The following STAU1 variants were observed in gnomAD, a reference collection of about 807,000 sequenced individuals.
STAU1 encodes the protein double-stranded RNA-binding protein Staufen homolog 1.
In STAU1, 13 loss-of-function variants were observed where a neutral mutation model predicts 62.9. That is an observed-to-expected ratio of 0.21 (90% CI 0.13 to 0.33). STAU1 has a LOEUF of 0.33. Ranked by LOEUF, STAU1 falls within the 10% of genes least tolerant of loss-of-function variation. The pLI, the probability that STAU1 is intolerant of heterozygous loss-of-function variation, is 1.00. For synonymous variants in STAU1, 269 were observed against 265.1 expected (o/e 1.01, Z -0.14); for missense variants, 571 against 712.1 (o/e 0.80, Z 2.25).
the STAU1 span, among the ~76,000 whole-genome samples, chr20:49,203,886 C>T: frequency 6.6e-6 from 1 of 152,152 alleles, no homozygotes; most frequent in Non-Finnish European, 1.5e-5. Flanking sequence ...GGGGTTTCAT[C>T]ATGTTGGCCA....
intron 1 of STAU1, among the ~76,000 whole-genome samples, chr20:49,187,321 T>A (rs2093800126): frequency 6.6e-6 from 1 of 152,172 alleles, no homozygotes; most frequent in African/African-American, 2.4e-5. Context: ...GTTTACAGAC[T>A]GTCAACTACA....
the STAU1 span, among the ~76,000 whole-genome samples, chr20:49,196,509 A>G: frequency 7.2e-6 from 1 of 139,218 alleles, no homozygotes; most frequent in South Asian, 2.4e-4. Flanking sequence ...ACATGAGGCC[A>G]GGTGTGGCAG....
chr20:49,216,474 G>A, the STAU1 span, among the ~76,000 whole-genome samples: 2 of 152,040 alleles, frequency 1.3e-5, no homozygotes, highest in Admixed American at 1.3e-4. Context: ...GTTGCAGTGA[G>A]CCGAGATCAT....
rs2092352714 is a variant in STAU1 at position 49,117,335 on chromosome 20, G to T, written c.1510-87C>A. ...CTGCAGCTCCAGGCCCCACAAGCAAGATCACCAGCTCTTTTTTCCAACTCA... is the reference window on the plus strand; with the variant it reads ...CTGCAGCTCCAGGCCCCACAAGCAATATCACCAGCTCTTTTTTCCAACTCA... On this transcript the variant is annotated intron_variant, in intron 11 of 13. Coordinates refer to ENST00000371856, the MANE Select transcript of STAU1 (RefSeq NM_017453.4). This position sits in a 1 kb window ranked among gnomAD's most constrained non-coding sequence, Gnocchi z 4.6. 1 of 1,511,090 alleles carries T rather than the reference G, an allele frequency of 6.6e-7. No homozygotes were observed. The highest frequency in any genetic ancestry group is 9.0e-7 in the Non-Finnish European group (1 of 1,106,918). The allele number at this position is 1,511,090 out of a possible 1,614,324, so 93.6% of individuals were successfully genotyped here.
At chr20:49,129,122 C>CAA (rs2092695869) in intron 6 of STAU1, among the ~76,000 whole-genome samples, 1 of 151,172 alleles carries the variant, frequency 6.6e-6, no homozygotes, top group South Asian at 2.1e-4. Context: ...AAAAGACACT[C>CAA]AAAAAAACTG....
intron 3 of STAU1, among the ~76,000 whole-genome samples, chr20:49,163,461 T>C (rs1253968970): frequency 1.4e-5 from 2 of 141,656 alleles, no homozygotes; most frequent in African/African-American, 2.6e-5. Context: ...AATCTCGCTC[T>C]GTTGCCCAGA....
chr20:49,162,567 G>A (rs1313112784), intron 3 of STAU1, among the ~76,000 whole-genome samples: 1 of 151,990 alleles, frequency 6.6e-6, no homozygotes, highest in African/African-American at 2.4e-5. Context: ...GAGGTCAGAA[G>A]ATCAAAACCA....
In STAU1 at chr20:49,119,998, A is replaced by G; in HGVS notation, c.1097T>C (p.Leu366Pro). The G allele has an allele frequency of 6.2e-7, 1 of 1,614,058 alleles. No homozygotes were observed. The highest frequency in any genetic ancestry group is 1.1e-5 in the South Asian group (1 of 91,068). Reference sequence around the variant, plus strand: ...AGCACTCACCTTCTCCTCTGACTTGAGTGCGGGTTTGGTGGGCTGCGCCTG... The same window carrying G: ...AGCACTCACCTTCTCCTCTGACTTGGGTGCGGGTTTGGTGGGCTGCGCCTG... ...VPQAQPTKPA[L>P]KSEEKTPIKK... is the part of the protein sequence containing the mutation. Residue 366 changes from leucine (L) to proline (P), a missense_variant, in exon 9 of 14, where the codon CTC (leucine) becomes CCC (proline). Physicochemically the swap from Leu to Pro is moderately conservative, Grantham distance 98 (BLOSUM62 -3). Coordinates refer to ENST00000371856, the MANE Select transcript of STAU1 (RefSeq NM_017453.4).
rs774254359 is a variant in STAU1, at chr20:49,135,847, G to T, written c.595C>A (p.Pro199Thr). 9 of 1,613,072 alleles carry T rather than the reference G, an allele frequency of 5.6e-6. No individual in the cohort carries two copies. In the African/African-American group the frequency reaches 1.1e-4, roughly 19 times the overall value. Residue 199 changes from proline to threonine, a missense_variant, in exon 6 of 14, where the codon CCT (proline) becomes ACT (threonine). Physicochemically the swap from Pro to Thr is conservative, Grantham distance 38. Transcript: ENST00000371856. ...VFEIALKRNLPVNFEVARESG... is the reference protein window; with the variant it reads ...VFEIALKRNLTVNFEVARESG... Reference sequence around the variant, plus strand: ...AATTAGCTTACCTCGAAATTCACAGGCAAGTTCCGTTTAAGTGCAATCTCA... The same window carrying T: ...AATTAGCTTACCTCGAAATTCACAGTCAAGTTCCGTTTAAGTGCAATCTCA...
the STAU1 span, among the ~76,000 whole-genome samples, chr20:49,211,843 G>C: frequency 6.6e-6 from 1 of 151,972 alleles, no homozygotes; most frequent in East Asian, 1.9e-4. Context: ...ACTATGGCAT[G>C]TGCCAGAGTA....
Position 49,166,148 on chromosome 20 carries a change from G to A in STAU1, c.54C>T (p.Ser18=). 6.2e-7 allele frequency: 1 copy of A among 1,614,148 alleles called. No individual in the cohort carries two copies. The highest frequency in any genetic ancestry group is 1.1e-5 in the South Asian group (1 of 91,076). The change falls in exon 3 of 14, where the codon AGC becomes AGT. Residue 18 remains serine, a synonymous_variant. Transcript: ENST00000371856. The part of the protein sequence containing the change: ...VQNPSAALSG[S]QILNKNQSLL... Reference sequence around the variant, plus strand: ...GAGACTGGTTCTTGTTCAGTATTTGGCTCCCTGAGAGAGCAGCAGATGGGT... The same window carrying A: ...GAGACTGGTTCTTGTTCAGTATTTGACTCCCTGAGAGAGCAGCAGATGGGT...
At chr20:49,154,936 A>C (rs2093333268) in intron 3 of STAU1, among the ~76,000 whole-genome samples, 2 of 151,832 alleles carry the variant, frequency 1.3e-5, no homozygotes, top group Non-Finnish European at 2.9e-5. Flanking sequence ...AATACAAAAA[A>C]TTAGCCAGGC....
intron 1 of STAU1, among the ~76,000 whole-genome samples, chr20:49,176,787 T>G (rs917153594): frequency 6.6e-6 from 1 of 152,178 alleles, no homozygotes; most frequent in Non-Finnish European, 1.5e-5. Context: ...CCATGCCTTT[T>G]ACCAATAGGG....
At chr20:49,205,985 CTTT>C in the STAU1 span, among the ~76,000 whole-genome samples, 8 of 122,034 alleles carry the variant, frequency 6.6e-5, no homozygotes, top group East Asian at 2.4e-4. Flanking sequence ...ATTTTCTTTT[CTTT>C]TTTTTTTTTT....
At chr20:49,130,792 C>T (rs2092731956) in intron 6 of STAU1, among the ~76,000 whole-genome samples, 1 of 152,136 alleles carries the variant, frequency 6.6e-6, no homozygotes, top group Admixed American at 6.5e-5. Context: ...AATCCCAGCA[C>T]TCTGGGAGGC....
intron 3 of STAU1, chr20:49,159,236 C>T: frequency 1.2e-6 from 1 of 831,868 alleles, no homozygotes; most frequent in Non-Finnish European, 1.5e-6. Flanking sequence ...TGCCACTCTG[C>T]TGCATTCTGT....
Position 49,115,862 on chromosome 20 carries a change from C to T in STAU1, c.1638G>A (p.Ala546=), listed in dbSNP as rs757240559. Residue 546 remains alanine, a synonymous_variant, in exon 13 of 14, where the codon GCG becomes GCA. Coordinates refer to ENST00000371856, the MANE Select transcript of STAU1 (RefSeq NM_017453.4). Reference sequence around the variant, plus strand: ...CAGACAGCAACTTTAAGATGTTCAGCGCAGCCTAGTGGGGATGGAAAGAAG... The same window carrying T: ...CAGACAGCAACTTTAAGATGTTCAGTGCAGCCTAGTGGGGATGGAAAGAAG... ...KDVESCHDMA[A]LNILKLLSEL... 8.7e-6 allele frequency: 14 copies of T among 1,613,840 alleles called. No homozygotes were observed. Among genetic ancestry groups the T allele is most frequent in the Admixed American group, 3.3e-5 (2 of 59,986 alleles).
At chr20:49,152,644 C>T (rs2093275186) in intron 4 of STAU1, among the ~76,000 whole-genome samples, 1 of 152,026 alleles carries the variant, frequency 6.6e-6, no homozygotes, top group Non-Finnish European at 1.5e-5. Flanking sequence ...CTGGCCTCCA[C>T]TAATGTCTTA....
intron 4 of STAU1, among the ~76,000 whole-genome samples, chr20:49,152,371 G>A (rs2093268403): frequency 7.8e-6 from 1 of 127,502 alleles, no homozygotes; most frequent in African/African-American, 3.0e-5. Context: ...GTGAGATGGA[G>A]TTTCTCTTGT....
Sources: allele counts gnomAD v4.1 joint callset (sites outside exome capture counted in the v4.1 genomes callset), GRCh38; gene constraint gnomAD v4.1.1; non-coding constraint Gnocchi (gnomAD v3.1); transcripts MANE v1.5; gene names NCBI Gene and HGNC (gene_info 2026-07-23, HGNC 2026-07-21).